Variants in TMEM132B observed in about 807,000 individuals in gnomAD.
TMEM132B encodes the protein transmembrane protein 132B.
In TMEM132B, 18 loss-of-function variants were observed where a neutral mutation model predicts 90.8. That is an observed-to-expected ratio of 0.20 (90% confidence interval 0.14 to 0.29). TMEM132B has a LOEUF of 0.29. Ranked by LOEUF, TMEM132B falls within the 10% of genes least tolerant of loss-of-function variation. The probability of loss-of-function intolerance (pLI) is 1.00; values close to 1 mark genes in which losing one functional copy is unlikely to be tolerated. For missense variants in TMEM132B, 1,096 were observed against 1,326.8 expected, an observed-to-expected ratio of 0.83 and a Z score of 2.70; for synonymous variants, 504 against 523.3, an observed-to-expected ratio of 0.96 and a Z score of 0.50.
intron 4 of TMEM132B, among the ~76,000 whole-genome samples, chr12:125,555,073 G>A (rs1884339394): frequency 6.6e-6 from 1 of 152,178 alleles, no homozygotes; most frequent in African/African-American, 2.4e-5. Context: ...ATCATGATGT[G>A]CATCTGTTAT....
intron 1 of TMEM132B, among the ~76,000 whole-genome samples, chr12:125,296,941 G>A (rs1183683874): frequency 1.3e-5 from 2 of 152,264 alleles, no homozygotes; most frequent in Admixed American, 6.5e-5. Flanking sequence ...ATTCCCAGCT[G>A]CTGTGGAAGA....
intron 5 of TMEM132B, among the ~76,000 whole-genome samples, chr12:125,642,637 C>G (rs1214926192): frequency 1.3e-5 from 2 of 152,210 alleles, no homozygotes; most frequent in African/African-American, 2.4e-5. Context: ...TCCAGTAACT[C>G]TTCAGCAATC....
At chr12:125,562,770 T>A (rs1316485258) in intron 4 of TMEM132B, among the ~76,000 whole-genome samples, 4 of 152,138 alleles carry the variant, frequency 2.6e-5, no homozygotes, top group Non-Finnish European at 5.9e-5. Flanking sequence ...CTTTTCTTAG[T>A]TCTCATTTTC....
chr12:125,418,489 C>G (rs1255451930), intron 3 of TMEM132B, among the ~76,000 whole-genome samples: 1 of 152,172 alleles, frequency 6.6e-6, no homozygotes, highest in Admixed American at 6.5e-5. Context: ...ATTCCATCAT[C>G]TAAATAAATA....
chr12:125,611,511 A>G (rs1000208573), intron 5 of TMEM132B, among the ~76,000 whole-genome samples: 2 of 151,892 alleles, frequency 1.3e-5, no homozygotes, highest in Admixed American at 1.3e-4. Flanking sequence ...TAATTTGAGA[A>G]CTTATATTTT....
chr12:125,653,504 TA>T, intron 8 of TMEM132B, 60 bp from the exon 9 acceptor site: 1 of 1,501,922 alleles, frequency 6.7e-7, no homozygotes, highest in East Asian at 2.3e-5. Flanking sequence ...AAATTATACT[TA>T]TGTTTTCAAA....
intron 1 of TMEM132B, among the ~76,000 whole-genome samples, chr12:125,297,474 T>C (rs1039523442): frequency 6.6e-6 from 1 of 152,202 alleles, no homozygotes. Context: ...CCTCCAAGTT[T>C]TAGAAAGCAG....
intron 1 of TMEM132B, among the ~76,000 whole-genome samples, chr12:125,241,874 A>G (rs527354062): frequency 2.6e-5 from 4 of 152,178 alleles, no homozygotes; most frequent in Non-Finnish European, 5.9e-5. Context: ...CACTTGGTGT[A>G]TCTGTGGTCC....
chr12:125,483,936 G>C (rs576066447), intron 3 of TMEM132B, among the ~76,000 whole-genome samples: 1 of 152,298 alleles, frequency 6.6e-6, no homozygotes, highest in African/African-American at 2.4e-5. Context: ...TGGTTTGGGA[G>C]GGAGGAAGGA....
intron 1 of TMEM132B, among the ~76,000 whole-genome samples, chr12:125,295,378 G>A (rs943314606): frequency 2.6e-5 from 4 of 152,204 alleles, no homozygotes; most frequent in African/African-American, 9.6e-5. Flanking sequence ...GCCTGTTGGG[G>A]CAGGAGCTGG....
chr12:125,430,874 T>C (rs1328198526), intron 3 of TMEM132B, among the ~76,000 whole-genome samples: 1 of 152,118 alleles, frequency 6.6e-6, no homozygotes, highest in East Asian at 1.9e-4. Flanking sequence ...GAGGTTCTGC[T>C]TCAGATAAGG....
intron 1 of TMEM132B, among the ~76,000 whole-genome samples, chr12:125,203,020 G>C (rs1025621693): frequency 6.6e-6 from 1 of 152,222 alleles, no homozygotes; most frequent in African/African-American, 2.4e-5. Flanking sequence ...GCCTGGCACT[G>C]TCTTCTCCTT....
At chr12:125,432,948 A>G (rs567599675) in intron 3 of TMEM132B, among the ~76,000 whole-genome samples, 2 of 152,330 alleles carry the variant, frequency 1.3e-5, no homozygotes, top group African/African-American at 2.4e-5. Context: ...AGCAGTGGAC[A>G]AAAGCACCTC....
At chr12:125,557,222 A>G (rs1463296446) in intron 4 of TMEM132B, among the ~76,000 whole-genome samples, 1 of 152,110 alleles carries the variant, frequency 6.6e-6, no homozygotes, top group Non-Finnish European at 1.5e-5. Flanking sequence ...ACCTTAGAAG[A>G]CTTTCTAAGT....
At position 125,408,827 on chromosome 12, in the gene TMEM132B, C is replaced by A. The variant is rs1879596009; in HGVS notation, c.960-6704C>A. Among the ~76,000 whole-genome samples, 1 of 152,174 alleles carries A rather than the reference C, an allele frequency of 6.6e-6. No individual in the cohort carries two copies. Among genetic ancestry groups the A allele is most frequent in the Admixed American group, 6.5e-5 (1 of 15,282 alleles). ...CAAAGAGGTTGAACCAAATTACACT[C>A]ATTCCAGCAATGTTCACGAGTCCCA... On this transcript the variant is annotated intron_variant, in intron 2 of 8. Coordinates refer to ENST00000682704, the MANE Select transcript of TMEM132B (RefSeq NM_001366854.1). The surrounding 1 kb of genome is among the most constrained non-coding windows in gnomAD (Gnocchi z 5.9).
chr12:125,526,791 G>A (rs1368881562), intron 4 of TMEM132B, among the ~76,000 whole-genome samples: 1 of 152,100 alleles, frequency 6.6e-6, no homozygotes, highest in Admixed American at 6.5e-5. Flanking sequence ...AAGCAGGCAG[G>A]CTGGCAGAGG....
chr12:125,495,041 T>C (rs1362075751), intron 3 of TMEM132B, among the ~76,000 whole-genome samples: 26 of 39,044 alleles, frequency 6.7e-4, no homozygotes, highest in Non-Finnish European at 8.1e-4. Context: ...GCGTCCCTCC[T>C]CCCCCTCCTC....
chr12:125,315,334 G>C (rs1016864897), intron 1 of TMEM132B, among the ~76,000 whole-genome samples: 12 of 152,178 alleles, frequency 7.9e-5, no homozygotes, highest in Non-Finnish European at 1.5e-4. Flanking sequence ...AAGTAGCTGG[G>C]ATTACAGGCG....
At chr12:125,348,671 A>G (rs114926558) in intron 1 of TMEM132B, among the ~76,000 whole-genome samples, 155 of 152,280 alleles carry the variant, frequency 1.0e-3, no homozygotes, top group African/African-American at 3.6e-3. Flanking sequence ...TCCTTGCGGC[A>G]ACCCAGTAAG....
Sources: allele counts gnomAD v4.1 joint callset (sites outside exome capture counted in the v4.1 genomes callset), GRCh38; gene constraint gnomAD v4.1.1; non-coding constraint Gnocchi (gnomAD v3.1); transcripts MANE v1.5; gene names NCBI Gene and HGNC (gene_info 2026-07-23, HGNC 2026-07-21).